The following PATJ variants were observed in gnomAD, a reference collection of about 807,000 sequenced individuals.
The protein encoded by PATJ is inaD-like protein.
PATJ carries 190 observed loss-of-function variants against 224.9 expected under a neutral mutation model. That is an observed-to-expected ratio of 0.84 (90% CI 0.75 to 0.95). The LOEUF (loss-of-function observed/expected upper bound fraction) is 0.95. PATJ is among the 40% of genes least tolerant of loss of function. The pLI, the probability that PATJ is intolerant of heterozygous loss-of-function variation, is 0.00. For missense variants in PATJ, 2,121 were observed against 2,270.3 expected (o/e 0.93, Z 1.34); for synonymous variants, 769 against 820.3 (o/e 0.94, Z 1.07).
chr1:62,154,768 C>T (rs1669007825), intron 43 of PATJ, among the ~76,000 whole-genome samples: 1 of 152,144 alleles, frequency 6.6e-6, no homozygotes, highest in African/African-American at 2.4e-5. Flanking sequence ...TTGCTTTTAC[C>T]TGTGCAGATC....
chr1:62,066,887 A>G (rs1047449708), intron 31 of PATJ, among the ~76,000 whole-genome samples: 2 of 151,714 alleles, frequency 1.3e-5, no homozygotes, highest in Non-Finnish European at 2.9e-5. Flanking sequence ...TTACTGATCC[A>G]CCTCTGGGTG....
chr1:61,945,630 G>A (rs1678573705), intron 27 of PATJ, among the ~76,000 whole-genome samples: 4 of 151,950 alleles, frequency 2.6e-5, no homozygotes, highest in Admixed American at 2.6e-4. Context: ...AATAATAGTG[G>A]GAGACTTTAA....
At chr1:61,934,722 A>G (rs142057451) in intron 27 of PATJ, among the ~76,000 whole-genome samples, 245 of 152,196 alleles carry the variant, frequency 1.6e-3, no homozygotes, top group African/African-American at 5.5e-3. Flanking sequence ...TTAACACTCT[A>G]AGTTCCATGA....
chr1:62,146,019 G>C (rs1310565193), intron 41 of PATJ, among the ~76,000 whole-genome samples: 1 of 152,048 alleles, frequency 6.6e-6, no homozygotes, highest in East Asian at 1.9e-4. Context: ...CCAGGAAGCG[G>C]GGAAGGGGAA....
At position 62,084,601 on chromosome 1, in the gene PATJ, C is replaced by G. The variant is rs745650391; in HGVS notation, c.4330C>G (p.Arg1444Gly). 1.2e-6 allele frequency: 2 copies of G among 1,613,172 alleles called. No homozygotes were observed. The highest frequency in any genetic ancestry group is 1.7e-4 in the Middle Eastern group (1 of 6,060). ...QEMIIEISKG[R>G]SGLGLSIVGG... ...AATGATTATAGAAATATCCAAGGGA[C>G]GTTCAGGGCTTGGTCTCAGCATTGT... The change falls in exon 33 of 44, where the codon CGT becomes GGT. Residue 1444 changes from arginine (R) to glycine (G), a missense_variant. Physicochemically the swap from Arg to Gly is moderately radical, Grantham distance 125. Transcript: ENST00000642238.
intron 21 of PATJ, among the ~76,000 whole-genome samples, chr1:61,877,941 T>G (rs1366040604): frequency 2.0e-5 from 3 of 152,180 alleles, no homozygotes; most frequent in Non-Finnish European, 4.4e-5. Context: ...GTGCACTTGG[T>G]GGACAGCTCT....
At chr1:61,807,332 A>G (rs1406117137) in intron 13 of PATJ, among the ~76,000 whole-genome samples, 1 of 151,840 alleles carries the variant, frequency 6.6e-6, no homozygotes, top group Non-Finnish European at 1.5e-5. Context: ...ATGAGCCACC[A>G]CGCTCGCTTA....
intron 25 of PATJ, among the ~76,000 whole-genome samples, chr1:61,912,896 G>T (rs1053272502): frequency 6.6e-6 from 1 of 152,162 alleles, no homozygotes; most frequent in Non-Finnish European, 1.5e-5. Context: ...TCAGGACAAG[G>T]AACACATGCC....
At chr1:61,951,476 A>G (rs1386556833) in intron 27 of PATJ, among the ~76,000 whole-genome samples, 1 of 152,084 alleles carries the variant, frequency 6.6e-6, no homozygotes, top group Non-Finnish European at 1.5e-5. Flanking sequence ...GAAAGATTAT[A>G]CTGTATAATT....
In PATJ at chr1:61,827,738, T is replaced by G. The variant is rs552023749; in HGVS notation, c.1980+155T>G. Reference sequence around the variant, plus strand: ...AATGCATAGCTTTTCAAATTGTTACTCTTCATTTAACATCAAAAAATTCTT... The same window carrying G: ...AATGCATAGCTTTTCAAATTGTTACGCTTCATTTAACATCAAAAAATTCTT... On this transcript the variant is annotated intron_variant, in intron 16 of 43. Coordinates refer to ENST00000642238, the MANE Select transcript of PATJ (RefSeq NM_001350145.3). 1.4e-3 allele frequency among the ~76,000 whole-genome samples: 207 copies of G among 152,336 alleles called. 1 individual carries two copies. Among genetic ancestry groups the G allele is most frequent in the African/African-American group, 4.9e-3 (205 of 41,574 alleles).
intron 8 of PATJ, among the ~76,000 whole-genome samples, chr1:61,788,385 T>A (rs1649052384): frequency 6.6e-6 from 1 of 151,952 alleles, no homozygotes; most frequent in Non-Finnish European, 1.5e-5. Context: ...TATGTAATAA[T>A]AATAGTTATT....
At chr1:61,962,008 G>A (rs930650129) in intron 27 of PATJ, among the ~76,000 whole-genome samples, 4 of 150,926 alleles carry the variant, frequency 2.7e-5, no homozygotes, top group African/African-American at 4.9e-5. Flanking sequence ...ATGTGAATAC[G>A]GAAGTCTCTG....
chr1:62,037,794 T>C (rs1650715255), intron 29 of PATJ, among the ~76,000 whole-genome samples, 183 bp from the exon 30 acceptor site: 1 of 152,202 alleles, frequency 6.6e-6, no homozygotes, highest in Non-Finnish European at 1.5e-5. Context: ...ACATATTTTT[T>C]ATGCATAGTA....
chr1:62,034,041 C>G (rs1458286938), intron 29 of PATJ, among the ~76,000 whole-genome samples: 1 of 152,158 alleles, frequency 6.6e-6, no homozygotes, highest in Non-Finnish European at 1.5e-5. Context: ...TTATCTCTCT[C>G]CCAGCAGCTC....
intron 29 of PATJ, among the ~76,000 whole-genome samples, chr1:62,025,452 T>C (rs1213787959): frequency 1.3e-5 from 2 of 152,206 alleles, no homozygotes; most frequent in Non-Finnish European, 2.9e-5. Context: ...TCTGTGTATC[T>C]GAACGTTTAG....
intron 28 of PATJ, chr1:62,013,305 C>G (rs116201370): frequency 1.0e-6 from 1 of 973,556 alleles, no homozygotes; most frequent in Non-Finnish European, 1.2e-6. Context: ...CATGCTCAAG[C>G]GTTTTGCTGA....
At chr1:62,144,839 TTTTG>T (rs1293951766) in intron 41 of PATJ, among the ~76,000 whole-genome samples, 1 of 148,082 alleles carries the variant, frequency 6.8e-6, no homozygotes, top group African/African-American at 2.5e-5. Context: ...ATACCTTTGT[TTTTG>T]TTTGTGGGTT....
intron 18 of PATJ, 85 bp from the exon 19 acceptor site, chr1:61,861,466 G>A (rs1664602845): frequency 1.5e-6 from 1 of 664,850 alleles, no homozygotes. Context: ...TGTGCATTAG[G>A]TATTTGTCCT....
In PATJ at chr1:61,990,203, G is replaced by T. The variant is rs776215236; in HGVS notation, c.3706G>T (p.Glu1236Ter). 2.5e-6 allele frequency: 4 copies of T among 1,611,842 alleles called. No individual in the cohort carries two copies. The South Asian group carries it at 4.4e-5, about 18-fold the overall frequency. Residue 1236 changes from glutamate to a stop codon, truncating the protein, a stop_gained, in exon 28 of 44, where the codon GAA (glutamate) becomes TAA (stop). Coordinates refer to ENST00000642238, the MANE Select transcript of PATJ (RefSeq NM_001350145.3). LOFTEE classifies it high-confidence loss of function. ...IRQRYADLPGELHIIELEKDK... is the reference protein window; with the variant it reads ...IRQRYADLPG ...ACAAAGATATGCAGATCTGCCTGGAGAACTGCACATTATTGAACTTGAAAA... is the reference window on the plus strand; with the variant it reads ...ACAAAGATATGCAGATCTGCCTGGATAACTGCACATTATTGAACTTGAAAA...
Sources: gnomAD v4.1 joint callset for allele counts (sites outside exome capture counted in the v4.1 genomes callset) on GRCh38, gnomAD v4.1.1 for gene constraint, MANE v1.5 for transcripts, NCBI Gene and HGNC (gene_info 2026-07-23, HGNC 2026-07-21) for gene names.